The following TCF12 variants were observed in gnomAD, a reference collection of about 807,000 sequenced individuals.
TCF12 encodes DNA-binding protein HTF4.
A neutral mutation model predicts 86.0 loss-of-function variants in TCF12; 45 were observed. The ratio of observed to expected loss-of-function variants is 0.52; its 90% CI spans 0.41 to 0.67. TCF12 has a LOEUF of 0.67. Among genes scored for constraint, TCF12 ranks in the 30% least tolerant of loss-of-function variants. TCF12 has a pLI of 0.00. For missense variants in TCF12, 881 were observed against 859.9 expected, an observed-to-expected ratio of 1.02 and a Z score of -0.31; for synonymous variants, 330 against 299.6, an observed-to-expected ratio of 1.10 and a Z score of -1.05.
chr15:57,146,560 T>C (rs1036498269), intron 5 of TCF12, among the ~76,000 whole-genome samples: 1 of 152,222 alleles, frequency 6.6e-6, no homozygotes, highest in Non-Finnish European at 1.5e-5. Flanking sequence ...ATACCGGATT[T>C]AGTCAAGGCA....
At chr15:56,969,039 A>G (rs1027949440) in intron 3 of TCF12, among the ~76,000 whole-genome samples, 6 of 152,170 alleles carry the variant, frequency 3.9e-5, no homozygotes, top group Non-Finnish European at 1.5e-5. Context: ...GGAAGCAGTT[A>G]TATGTATTTG....
intron 4 of TCF12, among the ~76,000 whole-genome samples, 177 bp from the exon 5 acceptor site, chr15:57,091,612 A>G (rs561854599): frequency 6.6e-6 from 1 of 152,304 alleles, no homozygotes; most frequent in East Asian, 1.9e-4. Flanking sequence ...TTTGACTTAA[A>G]ATCTTAAAAG....
At chr15:57,067,465 G>A (rs1185601672) in intron 4 of TCF12, among the ~76,000 whole-genome samples, 5 of 61,742 alleles carry the variant, frequency 8.1e-5, no homozygotes, top group African/African-American at 1.2e-4. Context: ...GCGTGAACCC[G>A]GGAGGCGGAA....
chr15:57,067,229 A>T (rs1285001132), intron 4 of TCF12, among the ~76,000 whole-genome samples: 1 of 152,154 alleles, frequency 6.6e-6, no homozygotes, highest in Non-Finnish European at 1.5e-5. Context: ...GTTGACATAA[A>T]AATAGACATT....
At chr15:57,035,987 T>C (rs1237032809) in intron 3 of TCF12, among the ~76,000 whole-genome samples, 1 of 152,188 alleles carries the variant, frequency 6.6e-6, no homozygotes, top group East Asian at 1.9e-4. Context: ...TCACTCCTTA[T>C]GAAAATCTAA....
chr15:57,068,576 C>G (rs1464639165), intron 4 of TCF12, among the ~76,000 whole-genome samples: 1 of 152,148 alleles, frequency 6.6e-6, no homozygotes, highest in Non-Finnish European at 1.5e-5. Context: ...AGTTATCAGT[C>G]TCTCTAGTAT....
At chr15:57,111,225 C>T (rs1333637687) in intron 5 of TCF12, among the ~76,000 whole-genome samples, 7 of 151,994 alleles carry the variant, frequency 4.6e-5, no homozygotes, top group Non-Finnish European at 7.4e-5. Context: ...TCACCCTGGA[C>T]GGAGTCATGG....
intron 3 of TCF12, among the ~76,000 whole-genome samples, chr15:57,018,446 CGGAT>C (rs2065277473): frequency 6.6e-6 from 1 of 151,888 alleles, no homozygotes; most frequent in South Asian, 2.1e-4. Context: ...CTCTCTGGGC[CGGAT>C]TTATTTATTT....
At chr15:57,032,920 T>C (rs1194372205) in intron 3 of TCF12, among the ~76,000 whole-genome samples, 2 of 152,220 alleles carry the variant, frequency 1.3e-5, no homozygotes, top group Admixed American at 1.3e-4. Flanking sequence ...ATTATGAAAA[T>C]GCTTGCATAA....
chr15:57,064,795 C>CAAAAAAAAAAAAAAAAAA (rs1177544594), intron 4 of TCF12, among the ~76,000 whole-genome samples: 7 of 78,054 alleles, frequency 9.0e-5, no homozygotes, highest in African/African-American at 5.1e-4. Flanking sequence ...GACTCCATCT[C>CAAAAAAAAAAAAAAAAAA]AAAAAAAAAA....
chr15:56,972,551 A>G (rs1306594005), intron 3 of TCF12, among the ~76,000 whole-genome samples: 2 of 152,192 alleles, frequency 1.3e-5, no homozygotes, highest in Non-Finnish European at 2.9e-5. Flanking sequence ...TTAGGTAGTA[A>G]AGAAGCCAAG....
intron 19 of TCF12, among the ~76,000 whole-genome samples, chr15:57,275,054 A>G (rs138745208): frequency 9.7e-4 from 148 of 152,266 alleles, no homozygotes; most frequent in African/African-American, 3.5e-3. Flanking sequence ...AACAGAAAAT[A>G]TGAGTCTGAG....
rs561069987 is a variant in TCF12, at chr15:57,288,148, G to T, written c.*2003G>T. 1 of 152,470 alleles carries T rather than the reference G, an allele frequency of 6.6e-6. No individual in the cohort carries two copies. Among genetic ancestry groups the T allele is most frequent in the Non-Finnish European group, 1.5e-5 (1 of 68,012 alleles). The allele number at this position is 152,470 out of a possible 1,614,324, so 9.4% of individuals were successfully genotyped here. A position where few individuals can be genotyped will look rare whatever the true frequency, so the allele number is the denominator to read the frequency against. ...GAAATCAAAAAGTTTTCAGTAAAAA[G>T]TTTCTTACTTTATTTTATTATATTA... is the stretch of plus-strand genomic sequence containing the variant. On this transcript the variant is annotated 3_prime_UTR_variant, in exon 21 of 21. Transcript: ENST00000333725.
chr15:57,240,364 G>A (rs1455313789), intron 12 of TCF12, among the ~76,000 whole-genome samples: 1 of 152,182 alleles, frequency 6.6e-6, no homozygotes, highest in African/African-American at 2.4e-5. Context: ...ACGAAAGAAG[G>A]AGTATGTAAC....
chr15:57,061,977 G>A, intron 3 of TCF12, among the ~76,000 whole-genome samples: 1 of 151,022 alleles, frequency 6.6e-6, no homozygotes, highest in East Asian at 1.9e-4. Flanking sequence ...GTTTTTTTGA[G>A]ATGGAGTCTT....
intron 4 of TCF12, among the ~76,000 whole-genome samples, chr15:57,083,422 T>G (rs2048435869): frequency 1.3e-5 from 2 of 152,200 alleles, no homozygotes; most frequent in South Asian, 4.1e-4. Flanking sequence ...GTATATGTTA[T>G]TTTAATCATG....
At chr15:56,993,092 AT>A (rs377353881) in intron 3 of TCF12, among the ~76,000 whole-genome samples, 20 of 150,272 alleles carry the variant, frequency 1.3e-4, no homozygotes, top group African/African-American at 3.9e-4. Context: ...TGAGTTTACC[AT>A]TTTTTTTTTC....
At chr15:57,068,243 A>T (rs1272345985) in intron 4 of TCF12, among the ~76,000 whole-genome samples, 2 of 152,204 alleles carry the variant, frequency 1.3e-5, no homozygotes, top group South Asian at 4.1e-4. Flanking sequence ...AAATGAGGCA[A>T]TATATGGAAA....
At chr15:57,028,338 T>G (rs1416738335) in intron 3 of TCF12, among the ~76,000 whole-genome samples, 1 of 150,700 alleles carries the variant, frequency 6.6e-6, no homozygotes, top group Non-Finnish European at 1.5e-5. Flanking sequence ...AATAAACACA[T>G]GTAACACATT....
Sources: allele counts gnomAD v4.1 joint callset (sites outside exome capture counted in the v4.1 genomes callset), GRCh38; gene constraint gnomAD v4.1.1; transcripts MANE v1.5; gene names NCBI Gene and HGNC (gene_info 2026-07-23, HGNC 2026-07-21).